Variants in IQGAP2 observed in about 807,000 individuals in gnomAD.
IQGAP2 encodes ras GTPase-activating-like protein IQGAP2.
A neutral mutation model predicts 201.3 loss-of-function variants in IQGAP2; 173 were observed. The observed-to-expected ratio is 0.86, with a 90% CI of 0.76 to 0.98. The LOEUF (loss-of-function observed/expected upper bound fraction) is 0.98, where lower values mean the gene tolerates loss of function less well. Ranked by LOEUF, IQGAP2 falls within the 50% of genes least tolerant of loss-of-function variation. IQGAP2 has a pLI of 0.00. For missense variants in IQGAP2, 1,687 were observed against 1,864.8 expected (o/e 0.90, Z 1.76); for synonymous variants, 675 against 673.9 (o/e 1.00, Z -0.03).
At chr5:76,658,182 C>T (rs1742922206) in intron 20 of IQGAP2, among the ~76,000 whole-genome samples, 1 of 152,066 alleles carries the variant, frequency 6.6e-6, no homozygotes, top group Admixed American at 6.5e-5. Flanking sequence ...GCGCATGAGT[C>T]CAGGGAACAG....
Position 76,482,271 on chromosome 5 carries a change from T to TA in IQGAP2, c.146+20603dup, listed in dbSNP as rs1453113305. 2.6e-5 allele frequency among the ~76,000 whole-genome samples: 4 copies of TA among 152,214 alleles called. No homozygotes were observed. In the South Asian group the frequency reaches 6.2e-4, roughly 24 times the overall value. On this transcript the variant is annotated intron_variant, in intron 2 of 35. Transcript: ENST00000274364. ...CAGCCACCTCAGCCTCTGCTTCTGA[T>TA]AGCCTCTTGCTTTGTTCCTGAAGTT...
chr5:76,466,945 T>C (rs1400797906), intron 2 of IQGAP2, among the ~76,000 whole-genome samples: 1 of 152,206 alleles, frequency 6.6e-6, no homozygotes, highest in Non-Finnish European at 1.5e-5. Context: ...GTTACATGTA[T>C]TCAGAATATA....
intron 2 of IQGAP2, among the ~76,000 whole-genome samples, chr5:76,487,209 C>T (rs980535966): frequency 7.2e-5 from 11 of 151,908 alleles, no homozygotes; most frequent in Admixed American, 2.0e-4. Context: ...AGCAGTTTTC[C>T]TGCCTCAACC....
At chr5:76,436,274 T>C (rs2150097388) in intron 1 of IQGAP2, among the ~76,000 whole-genome samples, 1 of 151,796 alleles carries the variant, frequency 6.6e-6, no homozygotes, top group South Asian at 2.1e-4. Context: ...GTGGTGAAAG[T>C]GGGCATCCCT....
chr5:76,566,381 T>G (rs1226584294), intron 3 of IQGAP2, among the ~76,000 whole-genome samples: 1 of 152,082 alleles, frequency 6.6e-6, no homozygotes, highest in African/African-American at 2.4e-5. Flanking sequence ...GGGTGGGCAC[T>G]GGGAAGAACT....
chr5:76,692,933 G>T (rs566069626), intron 30 of IQGAP2, among the ~76,000 whole-genome samples: 1 of 152,338 alleles, frequency 6.6e-6, no homozygotes, highest in East Asian at 1.9e-4. Flanking sequence ...TATTAAGCCA[G>T]CTCAGAAGTC....
intron 2 of IQGAP2, among the ~76,000 whole-genome samples, chr5:76,471,970 TC>T (rs1471595537): frequency 6.6e-6 from 1 of 152,240 alleles, no homozygotes; most frequent in African/African-American, 2.4e-5. Context: ...ATTTCTCCCT[TC>T]CCTCCCTTGT....
At chr5:76,623,936 C>CTTGTTTTTTTT (rs1749972092) in intron 13 of IQGAP2, among the ~76,000 whole-genome samples, 1 of 100,782 alleles carries the variant, frequency 9.9e-6, no homozygotes, top group Non-Finnish European at 1.9e-5. Context: ...TTTGTTCAGG[C>CTTGTTTTTTTT]TTTTTTTTTT....
Position 76,440,776 on chromosome 5 carries a change from G to A in IQGAP2, c.47-20794G>A, listed in dbSNP as rs532604712. On this transcript the variant is annotated intron_variant, in intron 1 of 35. Transcript: ENST00000274364. ...GGCCCTGGCCGGGTGCAGTGACTCA[G>A]TAATCCCAGCACTATGGGAGGCTGA... 9.2e-5 allele frequency among the ~76,000 whole-genome samples: 14 copies of A among 152,304 alleles called. No individual in the cohort carries two copies. In the South Asian group the frequency reaches 2.7e-3, roughly 29 times the overall value.
At position 76,647,227 on chromosome 5, in the gene IQGAP2, G is replaced by A. The variant is rs191112652; in HGVS notation, c.2095-5523G>A. ...CAAACATAACACTCTTAAAAGTGAAGAGAAAAAAGTCAGACTAAGTAGTGA... is the reference window on the plus strand; with the variant it reads ...CAAACATAACACTCTTAAAAGTGAAAAGAAAAAAGTCAGACTAAGTAGTGA... On this transcript the variant is annotated intron_variant, in intron 17 of 35. Coordinates refer to ENST00000274364, the MANE Select transcript of IQGAP2 (RefSeq NM_006633.5). 2.8e-3 allele frequency among the ~76,000 whole-genome samples: 428 copies of A among 152,262 alleles called. 1 individual carries two copies. The highest frequency in any genetic ancestry group is 9.8e-3 in the African/African-American group (409 of 41,554).
At chr5:76,499,402 T>C (rs1344537114) in intron 2 of IQGAP2, among the ~76,000 whole-genome samples, 1 of 152,232 alleles carries the variant, frequency 6.6e-6, no homozygotes, top group Non-Finnish European at 1.5e-5. Context: ...TATTGTTGCT[T>C]CTTGTCCAAA....
rs980506168 is a variant in IQGAP2 at position 76,492,940 on chromosome 5, A to G, written c.146+31271A>G. ...GGAAAATCCATAGGAGGTGATAAGGATGCTGGTTGACTGATATGCGTACCA... is the reference window on the plus strand; with the variant it reads ...GGAAAATCCATAGGAGGTGATAAGGGTGCTGGTTGACTGATATGCGTACCA... On this transcript the variant is annotated intron_variant, in intron 2 of 35. Transcript: ENST00000274364. Among the ~76,000 whole-genome samples the G allele has an allele frequency of 2.0e-4, 31 of 152,166 alleles. 1 individual carries two copies. The highest frequency in any genetic ancestry group is 7.5e-4 in the African/African-American group (31 of 41,430).
At position 76,640,265 on chromosome 5, in the gene IQGAP2, A is replaced by C. The variant is rs1237616500; in HGVS notation, c.1924-668A>C. Among the ~76,000 whole-genome samples, 3 of 152,188 alleles carry C rather than the reference A, an allele frequency of 2.0e-5. No homozygotes were observed. The East Asian group carries it at 5.8e-4, about 29-fold the overall frequency. On this transcript the variant is annotated intron_variant, in intron 16 of 35. Coordinates refer to ENST00000274364, the MANE Select transcript of IQGAP2 (RefSeq NM_006633.5). ...CCAGTTGTACTAGATAAGAGTCATC[A>C]GCTGTAGAAGTGACAGTCCAGTCTT...
chr5:76,617,460 G>A, intron 13 of IQGAP2: 1 of 706,370 alleles, frequency 1.4e-6, no homozygotes, highest in Non-Finnish European at 2.3e-6. Context: ...CTTTTGTAAT[G>A]TTTGACCTTT....
At chr5:76,452,905 CTTTTTTTTTTT>C (rs71604293) in intron 1 of IQGAP2, among the ~76,000 whole-genome samples, 1 of 106,046 alleles carries the variant, frequency 9.4e-6, no homozygotes, top group East Asian at 2.4e-4. Context: ...CAATTCCTAT[CTTTTTTTTTTT>C]TTTTTTTTTT....
At chr5:76,546,256 T>G (rs1055806588) in intron 2 of IQGAP2, among the ~76,000 whole-genome samples, 1 of 152,100 alleles carries the variant, frequency 6.6e-6, no homozygotes, top group Non-Finnish European at 1.5e-5. Flanking sequence ...GCCAACGTGG[T>G]GAAACCCCAT....
At chr5:76,607,758 T>C (rs1747925195) in intron 12 of IQGAP2, 1 of 152,320 alleles carries the variant, frequency 6.6e-6, no homozygotes, top group South Asian at 2.1e-4. Flanking sequence ...GCTTCTGCCC[T>C]TCTCCACAAC....
At chr5:76,433,346 T>C (rs2150094047) in intron 1 of IQGAP2, among the ~76,000 whole-genome samples, 1 of 152,318 alleles carries the variant, frequency 6.6e-6, no homozygotes, top group East Asian at 1.9e-4. Flanking sequence ...GATCCAAGGC[T>C]TAAGGCTCTG....
intron 1 of IQGAP2, among the ~76,000 whole-genome samples, chr5:76,412,937 C>T (rs1006592706): frequency 3.9e-5 from 6 of 152,024 alleles, no homozygotes; most frequent in Admixed American, 2.0e-4. Context: ...TAGATGGAAA[C>T]GTACATGCTC....
Sources: allele counts gnomAD v4.1 joint callset (sites outside exome capture counted in the v4.1 genomes callset), GRCh38; gene constraint gnomAD v4.1.1; transcripts MANE v1.5; gene names NCBI Gene and HGNC (gene_info 2026-07-23, HGNC 2026-07-21).